Variants in NRXN1 observed in about 807,000 individuals in gnomAD.
The protein encoded by NRXN1 is neurexin 1.
Under a neutral mutation model 150.9 loss-of-function variants are expected in NRXN1, and 39 were observed. That is an observed-to-expected ratio of 0.26 (90% CI 0.20 to 0.34). NRXN1 has a LOEUF of 0.34. Among genes scored for constraint, NRXN1 ranks in the 10% least tolerant of loss-of-function variants. The pLI, the probability that NRXN1 is intolerant of heterozygous loss-of-function variation, is 1.00. For synonymous variants in NRXN1, 924 were observed against 757.0 expected, an observed-to-expected ratio of 1.22 and a Z score of -3.62; for missense variants, 1,815 against 1,949.9, an observed-to-expected ratio of 0.93 and a Z score of 1.30.
chr2:50,045,454 T>C (rs376892345), intron 21 of NRXN1, among the ~76,000 whole-genome samples: 1 of 152,072 alleles, frequency 6.6e-6, no homozygotes, highest in South Asian at 2.1e-4. Context: ...AAGCAATCCT[T>C]CTGCCTCAGC....
intron 16 of NRXN1, among the ~76,000 whole-genome samples, chr2:50,470,204 C>T (rs1277073874): frequency 6.6e-6 from 1 of 151,636 alleles, no homozygotes; most frequent in African/African-American, 2.4e-5. Context: ...AATAAAGGTA[C>T]ACATTCTCAC....
At chr2:50,617,537 A>G (rs575922590) in intron 8 of NRXN1, among the ~76,000 whole-genome samples, 1 of 152,316 alleles carries the variant, frequency 6.6e-6, no homozygotes, top group East Asian at 1.9e-4. Flanking sequence ...TAAAATGAAA[A>G]AGATTACACA....
At chr2:50,551,050 G>GGAAGAAGAA (rs1204760729) in intron 9 of NRXN1, among the ~76,000 whole-genome samples, 26 of 79,016 alleles carry the variant, frequency 3.3e-4, no homozygotes, top group African/African-American at 1.5e-3. Context: ...AAGAGGAAGA[G>GGAAGAAGAA]GAAGAAGAAG....
chr2:50,099,459 A>G (rs577616967), intron 18 of NRXN1, among the ~76,000 whole-genome samples: 2 of 152,240 alleles, frequency 1.3e-5, no homozygotes, highest in African/African-American at 4.8e-5. Flanking sequence ...AGGTTGTGCA[A>G]CCATCACCAT....
chr2:50,139,806 G>A (rs1304797012), intron 18 of NRXN1, among the ~76,000 whole-genome samples: 1 of 151,932 alleles, frequency 6.6e-6, no homozygotes, highest in Non-Finnish European at 1.5e-5. Context: ...TTTGCAAATC[G>A]ACAGAAAAGA....
intron 12 of NRXN1, among the ~76,000 whole-genome samples, chr2:50,516,519 G>A (rs896794341): frequency 2.0e-5 from 3 of 152,130 alleles, no homozygotes; most frequent in African/African-American, 7.2e-5. Flanking sequence ...TAATGACATG[G>A]TCTCTGGGGT....
At chr2:50,738,426 A>G (rs1005010117) in intron 5 of NRXN1, among the ~76,000 whole-genome samples, 12 of 152,334 alleles carry the variant, frequency 7.9e-5, no homozygotes, top group African/African-American at 2.6e-4. Flanking sequence ...GACTCATTTA[A>G]TATCTAATTT....
At position 50,121,309 on chromosome 2, in the gene NRXN1, C is replaced by G. The variant is rs148010348; in HGVS notation, c.3547-29815G>C. ...GTGCTGGGATTATAGGCATGAGCCA[C>G]TGCCCACTGCGCCCAGCCTTATTTC... On this transcript the variant is annotated intron_variant, in intron 18 of 22. Transcript: ENST00000401669. 3.2e-3 allele frequency among the ~76,000 whole-genome samples: 483 copies of G among 152,370 alleles called. 5 individuals are homozygous for G. The highest frequency in any genetic ancestry group is 5.4e-3 in the Non-Finnish European group (369 of 68,040).
intron 5 of NRXN1, among the ~76,000 whole-genome samples, chr2:50,646,549 G>A (rs957400750): frequency 1.3e-5 from 2 of 151,764 alleles, no homozygotes. Flanking sequence ...CTGCAGATCT[G>A]AGATCTTTCT....
intron 17 of NRXN1, among the ~76,000 whole-genome samples, chr2:50,332,299 C>T (rs1032478735): frequency 1.3e-5 from 2 of 152,134 alleles, no homozygotes; most frequent in South Asian, 4.1e-4. Flanking sequence ...AATCTTTCTA[C>T]AAACATTTGA....
chr2:50,004,751 A>G (rs1199012135), intron 21 of NRXN1, among the ~76,000 whole-genome samples: 1 of 152,176 alleles, frequency 6.6e-6, no homozygotes, highest in Non-Finnish European at 1.5e-5. Flanking sequence ...GTCTAGGCAG[A>G]GAATGTTACG....
intron 5 of NRXN1, among the ~76,000 whole-genome samples, chr2:50,880,523 C>T (rs1038458334): frequency 2.0e-5 from 3 of 151,988 alleles, no homozygotes; most frequent in Non-Finnish European, 4.4e-5. Context: ...GATACTCACT[C>T]ATCTTTGTTT....
chr2:50,603,109 T>C (rs950265747), intron 8 of NRXN1, among the ~76,000 whole-genome samples: 2 of 152,188 alleles, frequency 1.3e-5, no homozygotes, highest in Non-Finnish European at 2.9e-5. Context: ...AAAAATGGAC[T>C]ATGAGGCAAC....
intron 17 of NRXN1, among the ~76,000 whole-genome samples, chr2:50,402,346 AC>A (rs1324983864): frequency 6.6e-6 from 1 of 151,814 alleles, no homozygotes; most frequent in Non-Finnish European, 1.5e-5. Context: ...TTTTTTCCAC[AC>A]CCCTTTTTTA....
At chr2:50,710,892 C>T (rs1260555235) in intron 5 of NRXN1, among the ~76,000 whole-genome samples, 1 of 152,096 alleles carries the variant, frequency 6.6e-6, no homozygotes, top group Non-Finnish European at 1.5e-5. Flanking sequence ...TATTAACTAC[C>T]TTTCTGTTTG....
At chr2:50,339,070 G>A (rs2077376836) in intron 17 of NRXN1, among the ~76,000 whole-genome samples, 1 of 152,034 alleles carries the variant, frequency 6.6e-6, no homozygotes, top group Non-Finnish European at 1.5e-5. Context: ...ATAATTACAT[G>A]TACCATCGTT....
chr2:50,820,567 A>T (rs1165799153), intron 5 of NRXN1, among the ~76,000 whole-genome samples: 1 of 152,162 alleles, frequency 6.6e-6, no homozygotes, highest in African/African-American at 2.4e-5. Context: ...AAAAAGCACA[A>T]AAAGATGTGT....
intron 17 of NRXN1, among the ~76,000 whole-genome samples, chr2:50,318,777 A>G (rs2075805993): frequency 6.6e-6 from 1 of 152,150 alleles, no homozygotes; most frequent in East Asian, 1.9e-4. Context: ...AAAAGTAAGA[A>G]GATTATAAAC....
rs1686805430 is a variant in NRXN1, at chr2:50,925,948, G to C, written c.780C>G (p.Asn260Lys). The stretch of plus-strand genomic sequence containing the variant: ...GTAGAAAGCACCCACCTTCCACATT[G>C]TTGTCTTCTGAAAGCACATGACAAG... Reference protein sequence around the residue: ...FRGKDCSQEDNNVEGLAHLMM... With the variant: ...FRGKDCSQEDKNVEGLAHLMM... Residue 260 changes from asparagine to lysine, a missense_variant, in exon 3 of 23, where the codon AAC (asparagine) becomes AAG (lysine). Asn to Lys is a moderately conservative substitution (Grantham distance 94). This residue lies in a region of NRXN1 where 554 missense variants were observed against 478.8 expected (regional missense o/e 1.16). Coordinates refer to ENST00000401669, the MANE Select transcript of NRXN1 (RefSeq NM_001330078.2). 1.9e-6 allele frequency: 3 copies of C among 1,574,378 alleles called. No individual in the cohort carries two copies. The highest frequency in any genetic ancestry group is 2.6e-6 in the Non-Finnish European group (3 of 1,158,416).
Sources: gnomAD v4.1 joint callset for allele counts (sites outside exome capture counted in the v4.1 genomes callset) on GRCh38, gnomAD v4.1.1 for gene constraint, gnomAD v4.1.1 regional missense constraint, MANE v1.5 for transcripts, NCBI Gene and HGNC (gene_info 2026-07-23, HGNC 2026-07-21) for gene names.